Variants in PDE1C observed in about 807,000 individuals in gnomAD.
The protein encoded by PDE1C is dual specificity calcium/calmodulin-dependent 3',5'-cyclic nucleotide phosphodiesterase 1C.
In PDE1C, 62 loss-of-function variants were observed where a neutral mutation model predicts 93.1. That is an observed-to-expected ratio of 0.67 (90% CI 0.54 to 0.82). PDE1C has a LOEUF of 0.82. PDE1C is among the 40% of genes least tolerant of loss of function. PDE1C has a pLI of 0.00. For missense variants in PDE1C, 742 were observed against 884.6 expected (o/e 0.84, Z 2.04); for synonymous variants, 325 against 310.1 (o/e 1.05, Z -0.50).
chr7:31,817,657 C>T (rs1464769320), intron 14 of PDE1C, among the ~76,000 whole-genome samples: 1 of 152,194 alleles, frequency 6.6e-6, no homozygotes, highest in Non-Finnish European at 1.5e-5. Context: ...ATGCTCCACA[C>T]ATCATTATCA....
chr7:31,670,729 G>A, the PDE1C span, among the ~76,000 whole-genome samples: 1 of 152,104 alleles, frequency 6.6e-6, no homozygotes, highest in Non-Finnish European at 1.5e-5. Flanking sequence ...CACCCCTCAA[G>A]CCTGGAACCG....
At chr7:31,834,873 G>T (rs1790862155) in intron 11 of PDE1C, among the ~76,000 whole-genome samples, 1 of 152,068 alleles carries the variant, frequency 6.6e-6, no homozygotes, top group South Asian at 2.1e-4. Context: ...GGAATGACAT[G>T]GTTTGGCTGT....
chr7:32,074,308 C>T (rs1182562496), upstream of PDE1C, among the ~76,000 whole-genome samples: 2 of 152,326 alleles, frequency 1.3e-5, no homozygotes, highest in African/African-American at 2.4e-5. Flanking sequence ...CATTTATAAT[C>T]ACAATAACCA....
At chr7:32,037,580 C>T (rs1791276990) in intron 2 of PDE1C, among the ~76,000 whole-genome samples, 1 of 152,190 alleles carries the variant, frequency 6.6e-6, no homozygotes. Flanking sequence ...CAGGTGTCAT[C>T]TACAGAAAGA....
chr7:32,225,951 G>A (rs970117682), intron 1 of PDE1C, among the ~76,000 whole-genome samples: 4 of 152,036 alleles, frequency 2.6e-5, no homozygotes, highest in African/African-American at 7.3e-5. Context: ...CCAGCTACTC[G>A]GGAGGCTGAG....
chr7:32,413,293 G>A (rs1249881648), intron 1 of PDE1C, among the ~76,000 whole-genome samples: 2 of 152,166 alleles, frequency 1.3e-5, no homozygotes, highest in African/African-American at 2.4e-5. Flanking sequence ...TATATAAAAT[G>A]TTAATGGTCG....
intron 2 of PDE1C, among the ~76,000 whole-genome samples, chr7:31,913,059 G>A (rs921958530): frequency 1.3e-5 from 2 of 152,256 alleles, no homozygotes; most frequent in African/African-American, 4.8e-5. Context: ...CTCAGAAACA[G>A]ATGTCTTCCA....
chr7:32,385,123 T>A (rs1784599089), intron 1 of PDE1C, among the ~76,000 whole-genome samples: 1 of 152,204 alleles, frequency 6.6e-6, no homozygotes. Context: ...GGCTTCGGCA[T>A]CTGAGTGAAC....
At chr7:31,874,195 A>T (rs968332789) in intron 5 of PDE1C, among the ~76,000 whole-genome samples, 5 of 152,232 alleles carry the variant, frequency 3.3e-5, no homozygotes, top group Admixed American at 3.3e-4. Context: ...CACACCTTAT[A>T]TACCATCCCT....
the PDE1C span, among the ~76,000 whole-genome samples, chr7:31,727,829 G>C: frequency 6.6e-6 from 1 of 152,104 alleles, no homozygotes; most frequent in Non-Finnish European, 1.5e-5. Flanking sequence ...ATCACTTGAG[G>C]TCAGGAGTTC....
intron 1 of PDE1C, among the ~76,000 whole-genome samples, chr7:32,234,058 CA>C (rs1430097824): frequency 6.6e-6 from 1 of 151,800 alleles, no homozygotes; most frequent in Non-Finnish European, 1.5e-5. Flanking sequence ...ATCTATCAGT[CA>C]AAGAGTAAAT....
At chr7:31,981,366 G>A (rs544208671) in intron 2 of PDE1C, among the ~76,000 whole-genome samples, 35 of 152,176 alleles carry the variant, frequency 2.3e-4, no homozygotes, top group African/African-American at 8.2e-4. Flanking sequence ...TGGTAGATAA[G>A]GTCGTAAATA....
the PDE1C span, chr7:31,652,708 C>A: frequency 6.2e-7 from 1 of 1,613,972 alleles, no homozygotes; most frequent in Non-Finnish European, 8.5e-7. Context: ...GCTGCCTTCA[C>A]TCCACCCACC....
At chr7:32,184,788 A>C (rs1219300079) in intron 2 of PDE1C, among the ~76,000 whole-genome samples, 1 of 152,166 alleles carries the variant, frequency 6.6e-6, no homozygotes, top group Non-Finnish European at 1.5e-5. Flanking sequence ...TAAAACTTAA[A>C]GTATAATAAA....
chr7:31,969,575 T>A (rs1167642688), intron 2 of PDE1C, among the ~76,000 whole-genome samples: 3 of 152,216 alleles, frequency 2.0e-5, no homozygotes, highest in Non-Finnish European at 4.4e-5. Flanking sequence ...ATTGTGGAAG[T>A]CAGTGTGGCG....
chr7:32,069,200 T>C (rs567650254), intron 1 of PDE1C, among the ~76,000 whole-genome samples: 8 of 152,224 alleles, frequency 5.3e-5, no homozygotes, highest in Non-Finnish European at 8.8e-5. Context: ...ACTACCTTAA[T>C]GCTTCTCCTT....
intron 1 of PDE1C, among the ~76,000 whole-genome samples, chr7:32,323,028 A>G (rs1296362910): frequency 6.6e-6 from 1 of 152,130 alleles, no homozygotes; most frequent in Non-Finnish European, 1.5e-5. Flanking sequence ...TCTGGTAGGA[A>G]TTTCTCAGGA....
At chr7:32,088,409 T>C (rs564404290) in intron 3 of PDE1C, among the ~76,000 whole-genome samples, 1 of 152,348 alleles carries the variant, frequency 6.6e-6, no homozygotes, top group Admixed American at 6.5e-5. Context: ...CCTTTTGTGC[T>C]GCCTGAAATA....
intron 1 of PDE1C, among the ~76,000 whole-genome samples, chr7:32,223,765 A>G (rs953287564): frequency 2.0e-5 from 3 of 151,844 alleles, no homozygotes; most frequent in Non-Finnish European, 4.4e-5. Context: ...ATATTAACCA[A>G]CCTATTGCCT....
Sources: allele counts gnomAD v4.1 joint callset (sites outside exome capture counted in the v4.1 genomes callset), GRCh38; gene constraint gnomAD v4.1.1; transcripts MANE v1.5; gene names NCBI Gene and HGNC (gene_info 2026-07-23, HGNC 2026-07-21).